TFB1M: variants seen among roughly 807,000 people sequenced by gnomAD.
The protein encoded by TFB1M is dimethyladenosine transferase 1, mitochondrial.
A neutral mutation model predicts 31.1 loss-of-function variants in TFB1M; 27 were observed. The ratio of observed to expected loss-of-function variants is 0.87; its 90% confidence interval spans 0.64 to 1.20. The LOEUF (loss-of-function observed/expected upper bound fraction) is 1.20, where lower values mean the gene tolerates loss of function less well. Among genes scored for constraint, TFB1M ranks in the 50% most tolerant of loss-of-function variants. The pLI, the probability that TFB1M is intolerant of heterozygous loss-of-function variation, is 0.00. For synonymous variants in TFB1M, 166 were observed against 151.8 expected (o/e 1.09, Z -0.69); for missense variants, 394 against 418.7 (o/e 0.94, Z 0.51).
At chr6:155,297,179 A>C (rs1777215145) in intron 3 of TFB1M, 75 bp from the exon 4 acceptor site, 20 of 1,476,534 alleles carry the variant, frequency 1.4e-5, no homozygotes, top group African/African-American at 2.8e-5. Context: ...GACGAGTAAA[A>C]TCAGACTGGA....
the TFB1M span, among the ~76,000 whole-genome samples, chr6:155,238,429 CACGTTTTCAGTT>C: frequency 6.6e-6 from 1 of 152,206 alleles, no homozygotes; most frequent in Non-Finnish European, 1.5e-5. Flanking sequence ...AAGTTGCCTC[CACGTTTTCAGTT>C]ATGTTTTCAG....
chr6:155,301,602 A>G (rs1777433841), intron 2 of TFB1M, among the ~76,000 whole-genome samples: 1 of 152,222 alleles, frequency 6.6e-6, no homozygotes, highest in East Asian at 1.9e-4. Context: ...TTACAGCCAA[A>G]TGAGTATTTT....
chr6:155,262,340 C>T (rs1030101758), intron 5 of TFB1M, among the ~76,000 whole-genome samples: 1 of 152,158 alleles, frequency 6.6e-6, no homozygotes, highest in Non-Finnish European at 1.5e-5. Context: ...CTGCCTACCT[C>T]GCCTCCTCCT....
intron 2 of TFB1M, among the ~76,000 whole-genome samples, chr6:155,306,510 T>A (rs1777772512): frequency 6.6e-6 from 1 of 152,070 alleles, no homozygotes; most frequent in Non-Finnish European, 1.5e-5. Context: ...ACAAATTTGG[T>A]ATATTCAGAA....
chr6:155,290,388 C>CAAAAAAAA (rs1189869721), intron 4 of TFB1M, among the ~76,000 whole-genome samples: 19 of 107,534 alleles, frequency 1.8e-4, no homozygotes, highest in South Asian at 8.9e-4. Flanking sequence ...GACTCGGCCT[C>CAAAAAAAA]AAAAAAAAAA....
chr6:155,273,607 T>C (rs1785039976), intron 5 of TFB1M, among the ~76,000 whole-genome samples: 1 of 152,140 alleles, frequency 6.6e-6, no homozygotes, highest in African/African-American at 2.4e-5. Flanking sequence ...ATGGTGCTTT[T>C]TGCCTCCAGA....
chr6:155,248,355 C>T, the TFB1M span, among the ~76,000 whole-genome samples: 3 of 152,240 alleles, frequency 2.0e-5, no homozygotes, highest in African/African-American at 2.4e-5. Context: ...ACTAGCTAGG[C>T]GTCTGGGCAC....
At chr6:155,303,389 TTTTATAGC>T (rs917286180) in intron 2 of TFB1M, 2 of 152,216 alleles carry the variant, frequency 1.3e-5, no homozygotes, top group African/African-American at 4.8e-5. Flanking sequence ...TATATTTGTC[TTTTATAGC>T]TTTCTGTTAC....
At chr6:155,303,597 C>T (rs1777530530) in intron 2 of TFB1M, 1 of 152,122 alleles carries the variant, frequency 6.6e-6, no homozygotes, top group Non-Finnish European at 1.5e-5. Flanking sequence ...TAAATAGTTA[C>T]GTCACAATAG....
chr6:155,290,815 T>G (rs928432995), intron 4 of TFB1M, among the ~76,000 whole-genome samples: 3 of 152,056 alleles, frequency 2.0e-5, no homozygotes, highest in African/African-American at 7.2e-5. Context: ...AATCCACAGA[T>G]GTGGTTTAAT....
At chr6:155,291,145 T>C (rs1381363357) in intron 4 of TFB1M, among the ~76,000 whole-genome samples, 1 of 152,188 alleles carries the variant, frequency 6.6e-6, no homozygotes, top group Non-Finnish European at 1.5e-5. Flanking sequence ...TTTGTGACTG[T>C]CATCTGAAGT....
chr6:155,297,225 A>G, intron 3 of TFB1M, 121 bp from the exon 4 acceptor site: 1 of 1,065,220 alleles, frequency 9.4e-7, no homozygotes, highest in Non-Finnish European at 1.3e-6. Context: ...ATAAATAGAC[A>G]TGGCTAAATT....
chr6:155,248,477 C>T, the TFB1M span, among the ~76,000 whole-genome samples: 88 of 152,340 alleles, frequency 5.8e-4, no homozygotes, highest in African/African-American at 2.1e-3. Flanking sequence ...TAAATTACCT[C>T]AGGTCACGTG....
At chr6:155,264,926 T>C (rs1165266500) in intron 5 of TFB1M, among the ~76,000 whole-genome samples, 1 of 152,194 alleles carries the variant, frequency 6.6e-6, no homozygotes, top group East Asian at 1.9e-4. Context: ...TTCAGGGAGA[T>C]GCACGTGTAA....
the TFB1M span, among the ~76,000 whole-genome samples, chr6:155,238,257 ATC>A: frequency 1.3e-5 from 2 of 152,202 alleles, no homozygotes; most frequent in Non-Finnish European, 2.9e-5. Flanking sequence ...CCTCATCTCC[ATC>A]TGAGACCACC....
At chr6:155,301,538 T>C (rs1777432006) in intron 2 of TFB1M, among the ~76,000 whole-genome samples, 1 of 152,292 alleles carries the variant, frequency 6.6e-6, no homozygotes, top group South Asian at 2.1e-4. Flanking sequence ...ACCCTGGAGG[T>C]GTTTTCACAG....
the TFB1M span, among the ~76,000 whole-genome samples, chr6:155,231,632 C>G: frequency 6.7e-6 from 1 of 149,400 alleles, no homozygotes; most frequent in African/African-American, 2.6e-5. Flanking sequence ...GCCCTGCCAG[C>G]TTCCCCCCAA....
intron 6 of TFB1M, among the ~76,000 whole-genome samples, chr6:155,258,342 AAAGGT>A (rs1784215123): frequency 6.6e-6 from 1 of 152,134 alleles, no homozygotes; most frequent in Admixed American, 6.5e-5. Flanking sequence ...TGTACTTTTT[AAAGGT>A]AAGTAAGTAA....
chr6:155,238,067 CT>C, the TFB1M span, among the ~76,000 whole-genome samples: 2 of 152,208 alleles, frequency 1.3e-5, no homozygotes, highest in East Asian at 3.8e-4. Context: ...GGCTGAATGC[CT>C]TTACCAGCAC....
Sources: allele counts gnomAD v4.1 joint callset (sites outside exome capture counted in the v4.1 genomes callset), GRCh38; gene constraint gnomAD v4.1.1; transcripts MANE v1.5; gene names NCBI Gene and HGNC (gene_info 2026-07-23, HGNC 2026-07-21).